Variants in NME8 observed in about 807,000 individuals in gnomAD.
The protein encoded by NME8 is NME/NM23 family member 8.
A neutral mutation model predicts 82.3 loss-of-function variants in NME8; 72 were observed. The observed-to-expected ratio is 0.87, with a 90% CI of 0.72 to 1.06. NME8 has a LOEUF of 1.06. NME8 is among the 50% of genes least tolerant of loss of function. The pLI is 0.00. For synonymous variants in NME8, 267 were observed against 228.5 expected (o/e 1.17, Z -1.52); for missense variants, 712 against 685.4 (o/e 1.04, Z -0.43).
chr7:37,892,797 T>G (rs1785150607), intron 15 of NME8, among the ~76,000 whole-genome samples: 1 of 152,080 alleles, frequency 6.6e-6, no homozygotes, highest in African/African-American at 2.4e-5. Flanking sequence ...TGATTTATGA[T>G]TTATGATTTT....
In NME8 at chr7:37,850,262, G is replaced by T. The variant is rs200067292; in HGVS notation, c.-5G>T. On this transcript the variant is annotated splice_region_variant and 5_prime_UTR_variant, in exon 3 of 18. Coordinates refer to ENST00000199447, the MANE Select transcript of NME8 (RefSeq NM_016616.5). ...TTTCTTTCTTTTTCCTATGATAGTA[G>T]ATAAATGGCAAGCAAAAAACGAGAA... 3.7e-6 allele frequency: 6 copies of T among 1,613,720 alleles called. No homozygotes were observed. Among genetic ancestry groups the T allele is most frequent in the Non-Finnish European group, 5.1e-6 (6 of 1,179,714 alleles).
chr7:37,899,294 A>G lies in NME8; in HGVS notation c.*16-950A>G, dbSNP rs530552745. On this transcript the variant is annotated intron_variant, in intron 17 of 17. Transcript: ENST00000199447. The stretch of plus-strand genomic sequence containing the variant: ...ATGGAATCAGTCTAAATGCCCATCA[A>G]TGATAGACTGGATAAAGAAAATGTG... 1.9e-3 allele frequency among the ~76,000 whole-genome samples: 287 copies of G among 152,370 alleles called. 2 individuals are homozygous for G. The highest frequency in any genetic ancestry group is 6.7e-3 in the African/African-American group (277 of 41,584).
At chr7:37,853,331 C>T (rs1784462627) in intron 5 of NME8, among the ~76,000 whole-genome samples, 1 of 152,054 alleles carries the variant, frequency 6.6e-6, no homozygotes, top group South Asian at 2.1e-4. Context: ...CTGTAACAAC[C>T]TGTTTCACTC....
At chr7:37,876,695 C>T in intron 11 of NME8, 137 bp from the exon 12 acceptor site, 1 of 652,088 alleles carries the variant, frequency 1.5e-6, no homozygotes, top group South Asian at 2.0e-5. Context: ...TAGGGAGATG[C>T]AATTTATCTT....
At chr7:37,889,848 T>A (rs1005263250) in intron 15 of NME8, among the ~76,000 whole-genome samples, 4 of 151,988 alleles carry the variant, frequency 2.6e-5, no homozygotes, top group African/African-American at 9.7e-5. Context: ...CATCTTGATT[T>A]ATTTTTCCCC....
chr7:37,867,971 A>G (rs942811680), intron 11 of NME8, 73 bp downstream of exon 11: 1 of 1,257,518 alleles, frequency 8.0e-7, no homozygotes, highest in African/African-American at 1.5e-5. Context: ...TAGGCACCTC[A>G]GTACCTAAGG....
rs551583331 is a variant in NME8, at chr7:37,880,670, A to G, written c.995-3633A>G. 2.0e-5 allele frequency among the ~76,000 whole-genome samples: 3 copies of G among 152,246 alleles called. No homozygotes were observed. In the East Asian group the frequency reaches 5.8e-4, roughly 29 times the overall value. On this transcript the variant is annotated intron_variant, in intron 12 of 17. Transcript: ENST00000199447. ...GATCAGTTTGTCAATTTCCATATCC[A>G]CAAAATAACTTGCTGGGCTTTTGGT...
rs751830410 is a variant in NME8 at position 37,884,314 on chromosome 7, C to A, written c.1006C>A (p.Arg336Ser). The change falls in exon 13 of 18, where the codon CGT (arginine) becomes AGT (serine). Residue 336 changes from arginine to serine, a missense_variant. Physicochemically the swap from Arg to Ser is moderately radical, Grantham distance 110. Coordinates refer to ENST00000199447, the MANE Select transcript of NME8 (RefSeq NM_016616.5). ...CTGTTTTTATTTAGATGATGTTTTG[C>A]GTATTATTAAAGATGAAGACTTCAA... is the stretch of plus-strand genomic sequence containing the variant. ...LFHERKDDVL[R>S]IIKDEDFKIL... is the part of the protein sequence containing the mutation. 7 of 1,580,878 alleles carry A rather than the reference C, an allele frequency of 4.4e-6. No homozygotes were observed. The African/African-American group carries it at 8.1e-5, about 18-fold the overall frequency.
chr7:37,886,480 G>A (rs1273715102), intron 14 of NME8, among the ~76,000 whole-genome samples: 1 of 152,114 alleles, frequency 6.6e-6, no homozygotes, highest in African/African-American at 2.4e-5. Context: ...GTTGCTTTAG[G>A]AATAACTCTT....
rs1784741308 is a variant in NME8, at chr7:37,869,782, T to C, written c.818+1884T>C. On this transcript the variant is annotated intron_variant, in intron 11 of 17. Transcript: ENST00000199447. ...AGACAGCATGGGACAGTGTGGAGCA[T>C]GCTTGTTTGGTGTGCTCGGGCTCAG... Among the ~76,000 whole-genome samples the C allele has an allele frequency of 2.0e-5, 3 of 152,180 alleles. No individual in the cohort carries two copies. The South Asian group carries it at 6.2e-4, about 32-fold the overall frequency.
chr7:37,894,757 T>C (rs1583646747), intron 16 of NME8, 147 bp downstream of exon 16: 2 of 834,654 alleles, frequency 2.4e-6, no homozygotes, highest in Non-Finnish European at 1.8e-6. Context: ...TTCATCTTTT[T>C]TCTATTTCCT....
At chr7:37,880,760 A>G (rs1377069837) in intron 12 of NME8, among the ~76,000 whole-genome samples, 2 of 152,064 alleles carry the variant, frequency 1.3e-5, no homozygotes, top group Non-Finnish European at 2.9e-5. Flanking sequence ...AAGTCTTGTT[A>G]TCTATGAATA....
At position 37,863,401 on chromosome 7, in the gene NME8, T is replaced by C. The variant is rs539149989; in HGVS notation, c.393T>C (p.Pro131=). 3 of 1,575,710 alleles carry C rather than the reference T, an allele frequency of 1.9e-6. No homozygotes were observed. In the African/African-American group the frequency reaches 4.0e-5, roughly 21 times the overall value. ...ATTGCATTTCTTTTTCATAGTATCCTGAAATTCCATTAGTAGACTCAGATT... is the reference window on the plus strand; with the variant it reads ...ATTGCATTTCTTTTTCATAGTATCCCGAAATTCCATTAGTAGACTCAGATT... ...AAGEMARPQY[P]EIPLVDSDSE... Residue 131 remains proline, a synonymous_variant, in exon 8 of 18, where the codon CCT becomes CCC. Transcript: ENST00000199447.
At chr7:37,852,387 T>C (rs2131939059) in intron 5 of NME8, among the ~76,000 whole-genome samples, 1 of 152,272 alleles carries the variant, frequency 6.6e-6, no homozygotes, top group East Asian at 1.9e-4. Context: ...TAAAGTTCAT[T>C]CTCGGTGTTG....
chr7:37,888,173 G>A (rs1031720358), intron 14 of NME8, 104 bp from the exon 15 acceptor site: 7 of 1,168,876 alleles, frequency 6.0e-6, no homozygotes, highest in African/African-American at 3.0e-5. Context: ...TCAAGATCTG[G>A]AATTATTTGC....
At chr7:37,868,570 C>T (rs1784725997) in intron 11 of NME8, among the ~76,000 whole-genome samples, 1 of 152,098 alleles carries the variant, frequency 6.6e-6, no homozygotes, top group African/African-American at 2.4e-5. Flanking sequence ...CTCACTGTGA[C>T]TGCCCTGAAA....
chr7:37,866,760 C>T (rs1016145617), intron 10 of NME8, among the ~76,000 whole-genome samples: 1 of 152,188 alleles, frequency 6.6e-6, no homozygotes, highest in Admixed American at 6.5e-5. Context: ...AGGTTAAGGA[C>T]ACGCCCATGA....
At chr7:37,867,102 T>C (rs1318935503) in intron 10 of NME8, among the ~76,000 whole-genome samples, 1 of 152,222 alleles carries the variant, frequency 6.6e-6, no homozygotes, top group Admixed American at 6.5e-5. Context: ...AGCCATCAGA[T>C]GTGCATTTGT....
chr7:37,896,333 G>A (rs936412157), intron 16 of NME8, among the ~76,000 whole-genome samples: 2 of 152,134 alleles, frequency 1.3e-5, no homozygotes, highest in African/African-American at 4.8e-5. Flanking sequence ...GGAAGACAGG[G>A]CAAAGAAGCA....
Sources: gnomAD v4.1 joint callset for allele counts (sites outside exome capture counted in the v4.1 genomes callset) on GRCh38, gnomAD v4.1.1 for gene constraint, MANE v1.5 for transcripts, NCBI Gene and HGNC (gene_info 2026-07-23, HGNC 2026-07-21) for gene names.